The following ZNF827 variants were observed in gnomAD, a reference collection of about 807,000 sequenced individuals.
ZNF827 encodes zinc finger protein 827.
In ZNF827, 13 loss-of-function variants were observed where a neutral mutation model predicts 102.4. That is an observed-to-expected ratio of 0.13 (90% CI 0.08 to 0.20). The LOEUF (loss-of-function observed/expected upper bound fraction) is 0.20, where lower values mean the gene tolerates loss of function less well. ZNF827 is among the 10% of genes least tolerant of loss of function. The pLI, the probability that ZNF827 is intolerant of heterozygous loss-of-function variation, is 1.00. For synonymous variants in ZNF827, 523 were observed against 536.2 expected (o/e 0.98, Z 0.34); for missense variants, 1,103 against 1,344.4 (o/e 0.82, Z 2.81).
intron 1 of ZNF827, among the ~76,000 whole-genome samples, chr4:145,936,817 C>T (rs1356884916): frequency 1.3e-5 from 2 of 152,178 alleles, no homozygotes. Flanking sequence ...GCCTGACACC[C>T]GGGCGGGCGG....
At chr4:145,909,495 A>T (rs1752113904) in intron 1 of ZNF827, among the ~76,000 whole-genome samples, 12 of 152,064 alleles carry the variant, frequency 7.9e-5, no homozygotes, top group Admixed American at 7.9e-4. Context: ...CTGGGTTTTC[A>T]CTCTCAATGA....
chr4:145,823,574 G>A, intron 7 of ZNF827, 49 bp from the exon 8 acceptor site: 2 of 1,313,472 alleles, frequency 1.5e-6, no homozygotes, highest in Non-Finnish European at 2.2e-6. Flanking sequence ...AGTTATTTAA[G>A]ACACCCAGAG....
At chr4:145,849,134 C>T (rs1746271568) in intron 6 of ZNF827, among the ~76,000 whole-genome samples, 188 bp downstream of exon 6, 1 of 151,960 alleles carries the variant, frequency 6.6e-6, no homozygotes. Flanking sequence ...GAAAGTTTGG[C>T]AGGAATTCTA....
intron 2 of ZNF827, among the ~76,000 whole-genome samples, chr4:145,899,375 T>G (rs1751234078): frequency 6.6e-6 from 1 of 152,118 alleles, no homozygotes; most frequent in Non-Finnish European, 1.5e-5. Context: ...GATCCACCTT[T>G]CCTTCCACTC....
At chr4:145,933,278 TG>T (rs1225790386) in intron 1 of ZNF827, among the ~76,000 whole-genome samples, 1 of 152,208 alleles carries the variant, frequency 6.6e-6, no homozygotes, top group East Asian at 1.9e-4. Flanking sequence ...AGACTGCTTC[TG>T]GGTACCTTGG....
At chr4:145,785,303 G>A (rs1579175378) in intron 8 of ZNF827, among the ~76,000 whole-genome samples, 5 of 152,220 alleles carry the variant, frequency 3.3e-5, no homozygotes, top group Middle Eastern at 3.4e-3. Flanking sequence ...TATTCAAGGG[G>A]ACATGTCTCA....
chr4:145,843,978 G>C (rs993014766), intron 7 of ZNF827, among the ~76,000 whole-genome samples: 3 of 152,128 alleles, frequency 2.0e-5, no homozygotes, highest in African/African-American at 7.2e-5. Flanking sequence ...GCACTTCCAC[G>C]AGAATCTCCA....
At chr4:145,892,531 CT>C (rs1750683602) in intron 2 of ZNF827, 116 bp from the exon 3 acceptor site, 5 of 1,129,276 alleles carry the variant, frequency 4.4e-6, no homozygotes, top group Non-Finnish European at 6.0e-6. Context: ...GGGTTTTTTT[CT>C]TGACAATTCC....
At chr4:145,821,570 CT>C (rs149432914) in intron 8 of ZNF827, among the ~76,000 whole-genome samples, 30 of 147,736 alleles carry the variant, frequency 2.0e-4, no homozygotes, top group East Asian at 3.9e-4. Context: ...CAAAAAAAGT[CT>C]TTTTTTTTTA....
intron 1 of ZNF827, among the ~76,000 whole-genome samples, chr4:145,909,978 C>T (rs1579545879): frequency 6.6e-6 from 1 of 152,032 alleles, no homozygotes; most frequent in South Asian, 2.1e-4. Context: ...GACACCCAAC[C>T]GCTGTCAGCG....
intron 8 of ZNF827, among the ~76,000 whole-genome samples, chr4:145,807,793 A>G (rs1235114246): frequency 1.3e-5 from 2 of 149,634 alleles, no homozygotes; most frequent in African/African-American, 5.0e-5. Flanking sequence ...AAAACAAAAA[A>G]CAAAAACAAA....
chr4:145,767,825 A>C (rs910331863), intron 11 of ZNF827, among the ~76,000 whole-genome samples: 1 of 152,250 alleles, frequency 6.6e-6, no homozygotes, highest in East Asian at 1.9e-4. Flanking sequence ...GAAGGAATTC[A>C]TCACCAGCAG....
chr4:145,821,595 A>G (rs1317421459), intron 8 of ZNF827, among the ~76,000 whole-genome samples: 2 of 152,124 alleles, frequency 1.3e-5, no homozygotes, highest in Non-Finnish European at 2.9e-5. Context: ...GCTTATTTTA[A>G]CAAAATGTAA....
intron 5 of ZNF827, among the ~76,000 whole-genome samples, chr4:145,859,113 C>T (rs1053658906): frequency 6.6e-5 from 10 of 152,282 alleles, no homozygotes; most frequent in African/African-American, 2.2e-4. Context: ...GGCTGATAAA[C>T]ATGCAGAGAG....
In ZNF827 at chr4:145,760,767, A is replaced by G; in HGVS notation, c.*849T>C. The G allele has an allele frequency of 8.8e-7, 1 of 1,131,746 alleles. No individual in the cohort carries two copies. Among genetic ancestry groups the G allele is most frequent in the South Asian group, 2.0e-5 (1 of 49,220 alleles). The allele number at this position is 1,131,746 out of a possible 1,614,324, so 70.1% of individuals were successfully genotyped here. A position where few individuals can be genotyped will look rare whatever the true frequency, so the allele number is the denominator to read the frequency against. ...TTTGTCTCTCTGTTTTTGGTACAGA[A>G]CATGGCTGCCCTCAGACAGTCTCTG... On this transcript the variant is annotated 3_prime_UTR_variant, in exon 15 of 15. Transcript: ENST00000508784.
chr4:145,923,100 A>T (rs190001194), intron 1 of ZNF827, among the ~76,000 whole-genome samples: 1 of 152,340 alleles, frequency 6.6e-6, no homozygotes, highest in East Asian at 1.9e-4. Context: ...TGATCCATTC[A>T]AAGCACAAGA....
intron 7 of ZNF827, among the ~76,000 whole-genome samples, chr4:145,835,944 C>G (rs1259548014): frequency 1.3e-5 from 2 of 151,294 alleles, no homozygotes; most frequent in African/African-American, 4.9e-5. Flanking sequence ...AACCCATATA[C>G]TCTCCTATCC....
chr4:145,862,694 T>C (rs546206302), intron 5 of ZNF827, among the ~76,000 whole-genome samples: 1 of 152,194 alleles, frequency 6.6e-6, no homozygotes, highest in African/African-American at 2.4e-5. Flanking sequence ...AATACGGGAG[T>C]CAGAAGGGTC....
At chr4:145,880,324 A>G (rs1418323284) in intron 4 of ZNF827, among the ~76,000 whole-genome samples, 1 of 152,218 alleles carries the variant, frequency 6.6e-6, no homozygotes, top group East Asian at 1.9e-4. Context: ...TCATCTGTAA[A>G]ATGGGAATAC....
Sources: gnomAD v4.1 joint callset for allele counts (sites outside exome capture counted in the v4.1 genomes callset) on GRCh38, gnomAD v4.1.1 for gene constraint, MANE v1.5 for transcripts, NCBI Gene and HGNC (gene_info 2026-07-23, HGNC 2026-07-21) for gene names.